LRRC4C: variants seen among roughly 807,000 people sequenced by gnomAD.
The protein encoded by LRRC4C is leucine-rich repeat-containing protein 4C.
A neutral mutation model predicts 33.6 loss-of-function variants in LRRC4C; 5 were observed. The observed-to-expected ratio is 0.15, with a 90% CI of 0.08 to 0.31. LRRC4C has a LOEUF of 0.31. LRRC4C is among the 10% of genes least tolerant of loss of function. The probability of loss-of-function intolerance (pLI) is 1.00; values close to 1 mark genes in which losing one functional copy is unlikely to be tolerated. For synonymous variants in LRRC4C, 329 were observed against 302.0 expected, an observed-to-expected ratio of 1.09 and a Z score of -0.93; for missense variants, 560 against 796.7, an observed-to-expected ratio of 0.70 and a Z score of 3.58.
chr11:41,300,789 A>T (rs189757479), intron 1 of LRRC4C, among the ~76,000 whole-genome samples: 1 of 152,204 alleles, frequency 6.6e-6, no homozygotes, highest in African/African-American at 2.4e-5. Context: ...TTTTGCTTGC[A>T]CCTCTGCCCT....
intron 2 of LRRC4C, among the ~76,000 whole-genome samples, chr11:40,674,207 C>T (rs188584024): frequency 6.6e-6 from 1 of 152,202 alleles, no homozygotes; most frequent in Non-Finnish European, 1.5e-5. Flanking sequence ...CATCGTTAAT[C>T]TAAAGATGAT....
intron 1 of LRRC4C, among the ~76,000 whole-genome samples, chr11:41,164,191 A>AT (rs57477183): frequency 1.7e-3 from 150 of 88,492 alleles, no homozygotes; most frequent in African/African-American, 4.7e-3. Context: ...TACCTTTTTT[A>AT]TTTTTTTTTT....
At chr11:40,656,650 A>G (rs1444840946) in intron 2 of LRRC4C, among the ~76,000 whole-genome samples, 1 of 152,192 alleles carries the variant, frequency 6.6e-6, no homozygotes, top group African/African-American at 2.4e-5. Flanking sequence ...CAAGGCATCA[A>G]AATTCTAATG....
chr11:40,955,372 T>A (rs1207830246), intron 1 of LRRC4C, among the ~76,000 whole-genome samples: 2 of 151,890 alleles, frequency 1.3e-5, no homozygotes, highest in African/African-American at 4.8e-5. Flanking sequence ...CAAAATTTTC[T>A]TCTTTAGAAT....
intron 3 of LRRC4C, among the ~76,000 whole-genome samples, chr11:40,529,548 G>T (rs911106325): frequency 1.3e-5 from 2 of 152,104 alleles, no homozygotes; most frequent in Non-Finnish European, 2.9e-5. Flanking sequence ...CAGTAGTATT[G>T]ACTGCTGCCC....
intron 6 of LRRC4C, among the ~76,000 whole-genome samples, chr11:40,136,570 C>G (rs561996396): frequency 6.6e-6 from 1 of 152,192 alleles, no homozygotes; most frequent in South Asian, 2.1e-4. Flanking sequence ...GCCACCACGC[C>G]CGGCCCATCC....
chr11:41,110,380 C>T (rs955177499), intron 1 of LRRC4C, among the ~76,000 whole-genome samples: 3 of 151,978 alleles, frequency 2.0e-5, no homozygotes, highest in South Asian at 2.1e-4. Context: ...ATTTTTAATT[C>T]TCACTATAGA....
chr11:41,092,116 A>G (rs1438796686), intron 1 of LRRC4C, among the ~76,000 whole-genome samples: 1 of 152,140 alleles, frequency 6.6e-6, no homozygotes, highest in Non-Finnish European at 1.5e-5. Flanking sequence ...TGAATTATAA[A>G]ATAATTTTTA....
At chr11:40,329,872 G>C (rs760239512) in intron 3 of LRRC4C, among the ~76,000 whole-genome samples, 1 of 151,532 alleles carries the variant, frequency 6.6e-6, no homozygotes, top group Non-Finnish European at 1.5e-5. Flanking sequence ...CTCTCGAGTA[G>C]CTGCGACTAC....
At chr11:41,357,286 T>C (rs1175368131) in intron 1 of LRRC4C, among the ~76,000 whole-genome samples, 1 of 152,172 alleles carries the variant, frequency 6.6e-6, no homozygotes, top group East Asian at 1.9e-4. Context: ...GTCTAATGGT[T>C]AATATGTAGA....
intron 3 of LRRC4C, among the ~76,000 whole-genome samples, chr11:40,388,170 T>C (rs779775370): frequency 2.0e-5 from 3 of 152,132 alleles, no homozygotes; most frequent in Admixed American, 6.6e-5. Flanking sequence ...TTTTCCCAAT[T>C]AGACATTTTC....
chr11:41,074,943 T>G (rs532920778), intron 1 of LRRC4C, among the ~76,000 whole-genome samples: 1 of 151,942 alleles, frequency 6.6e-6, no homozygotes, highest in South Asian at 2.1e-4. Flanking sequence ...AAGTCTCGTC[T>G]TAAAGGAAGG....
At chr11:41,022,433 C>T (rs61887659) in intron 1 of LRRC4C, among the ~76,000 whole-genome samples, 4,809 of 151,892 alleles carry the variant, frequency 0.032, 82 homozygotes, top group African/African-American at 0.049. Context: ...TTACATAGAA[C>T]TTTGAGCTAG....
At chr11:40,404,996 C>A (rs1252480763) in intron 3 of LRRC4C, among the ~76,000 whole-genome samples, 1 of 152,028 alleles carries the variant, frequency 6.6e-6, no homozygotes, top group African/African-American at 2.4e-5. Context: ...CTAAATACAA[C>A]ACACTATTAT....
intron 1 of LRRC4C, among the ~76,000 whole-genome samples, chr11:41,350,846 G>T (rs962947771): frequency 3.3e-5 from 5 of 152,156 alleles, no homozygotes; most frequent in African/African-American, 1.2e-4. Context: ...AACACAATTG[G>T]AAGTATTAAC....
At chr11:40,245,910 T>C (rs553910018) in intron 4 of LRRC4C, among the ~76,000 whole-genome samples, 3 of 152,086 alleles carry the variant, frequency 2.0e-5, no homozygotes, top group Admixed American at 1.3e-4. Flanking sequence ...CTTTAGGTAT[T>C]TGAGAACTGT....
chr11:40,320,132 C>A (rs192994044), intron 3 of LRRC4C, among the ~76,000 whole-genome samples: 9 of 152,212 alleles, frequency 5.9e-5, no homozygotes, highest in Admixed American at 1.3e-4. Flanking sequence ...GCTCTTACTT[C>A]TTCCCTCTGG....
At chr11:41,151,389 G>A (rs1472928260) in intron 1 of LRRC4C, among the ~76,000 whole-genome samples, 1 of 152,174 alleles carries the variant, frequency 6.6e-6, no homozygotes, top group Non-Finnish European at 1.5e-5. Flanking sequence ...ATATCTTCTT[G>A]CCTTATCATC....
At chr11:40,538,331 G>A (rs967916704) in intron 3 of LRRC4C, among the ~76,000 whole-genome samples, 1 of 150,252 alleles carries the variant, frequency 6.7e-6, no homozygotes, top group Non-Finnish European at 1.5e-5. Flanking sequence ...CCCTTCTTCT[G>A]TCCAAGTGTT....
Sources: gnomAD v4.1 joint callset for allele counts (sites outside exome capture counted in the v4.1 genomes callset) on GRCh38, gnomAD v4.1.1 for gene constraint, MANE v1.5 for transcripts, NCBI Gene and HGNC (gene_info 2026-07-23, HGNC 2026-07-21) for gene names.